CDKL5: variants seen among roughly 807,000 people sequenced by gnomAD.
CDKL5 encodes cyclin-dependent kinase-like 5.
Under a neutral mutation model 61.7 loss-of-function variants are expected in CDKL5, and 8 were observed. That is an observed-to-expected ratio of 0.13 (90% CI 0.08 to 0.23). The LOEUF (loss-of-function observed/expected upper bound fraction) is 0.23, where lower values mean the gene tolerates loss of function less well. Ranked by LOEUF, CDKL5 falls within the 10% of genes least tolerant of loss-of-function variation. The pLI is 1.00. For missense variants in CDKL5, 440 were observed against 734.5 expected (o/e 0.60, Z 4.63); for synonymous variants, 275 against 272.3 (o/e 1.01, Z -0.10).
intron 3 of CDKL5, among the ~76,000 whole-genome samples, chrX:18,561,757 T>C (rs922964227): frequency 9.0e-6 from 1 of 111,046 alleles, no homozygotes; most frequent in Admixed American, 9.6e-5. Context: ...TGATTTAGTG[T>C]TTAGAAATTA....
Position 18,460,689 on chromosome X carries a change from C to A in CDKL5, c.-163+34994C>A, listed in dbSNP as rs1001599041. On this transcript the variant is annotated intron_variant, in intron 1 of 17. Transcript: ENST00000623535. ...GCTAATTTTGTATTTTTTGTAGAAG[C>A]GGGGTTTTGTCATGTTGCCCAGGCT... 1.5e-4 allele frequency among the ~76,000 whole-genome samples: 17 copies of A among 110,446 alleles called. No homozygotes were observed. In the Admixed American group the frequency reaches 1.7e-3, roughly 11 times the overall value.
At chrX:18,648,738 G>C (rs1927898969) in intron 20 of CDKL5, among the ~76,000 whole-genome samples, 1 of 111,767 alleles carries the variant, frequency 8.9e-6, no homozygotes, top group Admixed American at 9.5e-5. Context: ...CTGTTGCCTA[G>C]ATCACATCTG....
chrX:18,525,972 C>T (rs1923425485), intron 3 of CDKL5, among the ~76,000 whole-genome samples: 1 of 111,005 alleles, frequency 9.0e-6, no homozygotes, highest in African/African-American at 3.3e-5. Flanking sequence ...GTCTCAAACT[C>T]CTGACCTCAG....
At position 18,631,195 on chromosome X, in the gene CDKL5, C is replaced by T. The variant is rs1049672838; in HGVS notation, c.*2438C>T. On this transcript the variant is annotated 3_prime_UTR_variant, in exon 18 of 18. Coordinates refer to ENST00000623535, the MANE Select transcript of CDKL5 (RefSeq NM_001323289.2). ...GAAGGGCTAGAATATTTGCCTTCTA[C>T]CTAGAGCAAAGTAAACCTAATTGTT... 2.0e-5 allele frequency: 15 copies of T among 750,727 alleles called. No homozygotes were observed. The highest frequency in any genetic ancestry group is 1.6e-6 in the Non-Finnish European group (1 of 637,895). 61.9% of individuals were successfully genotyped at this position (750,727 alleles called of 1,213,427 possible).
At chrX:18,521,829 T>C (rs1923253154) in intron 3 of CDKL5, among the ~76,000 whole-genome samples, 1 of 112,260 alleles carries the variant, frequency 8.9e-6, no homozygotes, top group Admixed American at 9.5e-5. Context: ...CTAGCACCCT[T>C]GTTGAAAATC....
intron 1 of CDKL5, among the ~76,000 whole-genome samples, chrX:18,429,326 G>A (rs1440855827): frequency 9.0e-6 from 1 of 111,242 alleles, no homozygotes; most frequent in African/African-American, 3.3e-5. Context: ...TCAGGTTTTG[G>A]GTGTGGTCTC....
chrX:18,425,940 T>C (rs1378857708), intron 1 of CDKL5, among the ~76,000 whole-genome samples: 1 of 112,007 alleles, frequency 8.9e-6, no homozygotes, highest in Non-Finnish European at 1.9e-5. Context: ...GGGCTGTCTT[T>C]TGGGGTGTGG....
intron 1 of CDKL5, among the ~76,000 whole-genome samples, chrX:18,448,953 T>G (rs1931945244): frequency 8.9e-6 from 1 of 111,923 alleles, no homozygotes; most frequent in Admixed American, 9.5e-5. Context: ...CCTCCTGGGT[T>G]CAAGCAATTC....
intron 20 of CDKL5, chrX:18,647,384 C>T (rs974375183): frequency 2.0e-5 from 23 of 1,164,700 alleles, no homozygotes; most frequent in Non-Finnish European, 2.7e-5. Context: ...ACTCAACAAG[C>T]ACCAGGTGAC....
chrX:18,581,573 A>T (rs1399109191), intron 6 of CDKL5, among the ~76,000 whole-genome samples: 1 of 111,632 alleles, frequency 9.0e-6, no homozygotes, highest in African/African-American at 3.2e-5. Flanking sequence ...GTATTTTATG[A>T]AGTAATAATA....
At chrX:18,558,352 ATAAAT>A (rs1289295706) in intron 3 of CDKL5, among the ~76,000 whole-genome samples, 1 of 111,866 alleles carries the variant, frequency 8.9e-6, no homozygotes, top group Non-Finnish European at 1.9e-5. Context: ...GCTTTTATGA[ATAAAT>A]TAAATTCAAA....
intron 9 of CDKL5, chrX:18,589,499 C>G (rs756541964): frequency 9.0e-6 from 1 of 111,213 alleles, no homozygotes; most frequent in African/African-American, 3.3e-5. Context: ...CATAGTATTC[C>G]ATGGTGTATA....
chrX:18,596,254 A>G (rs1006082573), intron 10 of CDKL5, among the ~76,000 whole-genome samples: 60 of 110,953 alleles, frequency 5.4e-4, no homozygotes, highest in African/African-American at 1.8e-3. Flanking sequence ...TCTGAGTGGC[A>G]TTCTCAGAAC....
chrX:18,535,836 C>G (rs898646730), intron 3 of CDKL5: 1 of 112,773 alleles, frequency 8.9e-6, no homozygotes, highest in Non-Finnish European at 1.9e-5. Flanking sequence ...CCAATGGCTC[C>G]ATATCAACTC....
rs1008178058 is a variant in CDKL5, at chrX:18,631,988, A to G, written c.*3231A>G. The G allele has an allele frequency of 5.1e-6, 3 of 584,573 alleles. No homozygotes were observed. The African/African-American group carries it at 7.4e-5, about 14-fold the overall frequency. The allele number at this position is 584,573 out of a possible 1,213,427, so 48.2% of individuals were successfully genotyped here. On this transcript the variant is annotated 3_prime_UTR_variant, in exon 18 of 18. Transcript: ENST00000623535. ...GGGGAGGTGATGGTATGCTACTGGC[A>G]TCAAGTGGTTAGAGGCCACAGATGC...
intron 20 of CDKL5, among the ~76,000 whole-genome samples, chrX:18,649,772 G>A (rs1927949218): frequency 8.9e-6 from 1 of 112,245 alleles, no homozygotes; most frequent in Non-Finnish European, 1.9e-5. Flanking sequence ...GGGATCCCGA[G>A]GACTGAGTGC....
At chrX:18,649,977 CCCG>C (rs772202551) in intron 20 of CDKL5, 120 of 188,504 alleles carry the variant, frequency 6.4e-4, no homozygotes, top group African/African-American at 1.7e-3. Flanking sequence ...TCCACCCCCA[CCCG>C]CCGCCGCCGC....
intron 3 of CDKL5, among the ~76,000 whole-genome samples, chrX:18,536,805 CG>C (rs1178798137): frequency 1.8e-5 from 2 of 110,526 alleles, no homozygotes; most frequent in African/African-American, 6.6e-5. Flanking sequence ...CTGGCTGCAC[CG>C]ATCTTTCCTA....
chrX:18,481,320 G>A (rs1399815695), intron 1 of CDKL5, among the ~76,000 whole-genome samples: 1 of 84,671 alleles, frequency 1.2e-5, no homozygotes, highest in African/African-American at 4.6e-5. Context: ...AAGAGTCCTG[G>A]TTTCTTTCTT....
Sources: gnomAD v4.1 joint callset for allele counts (sites outside exome capture counted in the v4.1 genomes callset) on GRCh38, gnomAD v4.1.1 for gene constraint, MANE v1.5 for transcripts, NCBI Gene and HGNC (gene_info 2026-07-23, HGNC 2026-07-21) for gene names.